The following CA8 variants were observed in gnomAD, a reference collection of about 807,000 sequenced individuals.
CA8 encodes carbonic anhydrase-related protein.
In CA8, 22 loss-of-function variants were observed where a neutral mutation model predicts 41.4. The ratio of observed to expected loss-of-function variants is 0.53; its 90% CI spans 0.38 to 0.76. CA8 has a LOEUF of 0.76. Among genes scored for constraint, CA8 ranks in the 30% least tolerant of loss-of-function variants. The pLI, the probability that CA8 is intolerant of heterozygous loss-of-function variation, is 0.00. For missense variants in CA8, 270 were observed against 352.8 expected, an observed-to-expected ratio of 0.77 and a Z score of 1.88; for synonymous variants, 121 against 130.6, an observed-to-expected ratio of 0.93 and a Z score of 0.50.
At chr8:60,271,589 G>T (rs1804076049) in intron 2 of CA8, among the ~76,000 whole-genome samples, 1 of 152,032 alleles carries the variant, frequency 6.6e-6, no homozygotes, top group African/African-American at 2.4e-5. Context: ...AATTACAAGA[G>T]ACCCAGAAAT....
intron 7 of CA8, among the ~76,000 whole-genome samples, chr8:60,219,332 A>G (rs1807152300): frequency 6.6e-6 from 1 of 151,706 alleles, no homozygotes; most frequent in African/African-American, 2.4e-5. Flanking sequence ...CTAATTTTGT[A>G]TTTTTAGTAG....
intron 3 of CA8, among the ~76,000 whole-genome samples, chr8:60,262,762 T>G (rs1476888671): frequency 6.6e-6 from 1 of 152,206 alleles, no homozygotes; most frequent in East Asian, 1.9e-4. Flanking sequence ...CCTGGAGTAT[T>G]CACAATAGAA....
rs10086449 is a variant in CA8, at chr8:60,281,284, C to A, written c.-137G>T. The A allele has an allele frequency of 3.0e-6, 2 of 665,284 alleles. No individual in the cohort carries two copies. Among genetic ancestry groups the A allele is most frequent in the Non-Finnish European group, 2.7e-6 (1 of 376,014 alleles). The allele number at this position is 665,284 out of a possible 1,614,324, so 41.2% of individuals were successfully genotyped here. A position where few individuals can be genotyped will look rare whatever the true frequency, so the allele number is the denominator to read the frequency against. ...CGGCAGTGTGAGTGCGAGAGCGCCT[C>A]CGGGTGTGAACCGCAGTGTGAGTGC... is the stretch of plus-strand genomic sequence containing the variant. On this transcript the variant is annotated 5_prime_UTR_variant, in exon 1 of 9. Coordinates refer to ENST00000317995, the MANE Select transcript of CA8 (RefSeq NM_004056.6).
intron 8 of CA8, among the ~76,000 whole-genome samples, chr8:60,201,084 G>A (rs967357740): frequency 3.3e-5 from 5 of 152,208 alleles, no homozygotes; most frequent in Middle Eastern, 3.4e-3. Context: ...TTGATAAAAC[G>A]GAAATATGGG....
intron 7 of CA8, among the ~76,000 whole-genome samples, chr8:60,217,827 T>A (rs961326739): frequency 6.6e-6 from 1 of 152,186 alleles, no homozygotes; most frequent in Non-Finnish European, 1.5e-5. Flanking sequence ...TGCTTCTACT[T>A]CTTTATTATT....
chr8:60,222,869 A>C, intron 6 of CA8, 108 bp from the exon 7 acceptor site: 1 of 733,474 alleles, frequency 1.4e-6, no homozygotes, highest in Non-Finnish European at 2.5e-6. Flanking sequence ...TGATGCTTCT[A>C]AGATGGATGT....
Position 60,209,397 on chromosome 8 carries a change from A to G in CA8, c.739-478T>C, listed in dbSNP as rs1162505376. Among the ~76,000 whole-genome samples, 4 of 152,162 alleles carry G rather than the reference A, an allele frequency of 2.6e-5. No homozygotes were observed. In the East Asian group the frequency reaches 7.7e-4, roughly 29 times the overall value. ...TACTCAGGAGGCTGAGGCAGGAGAA[A>G]TCACTTGAACCCATGAGGCGGAGGT... On this transcript the variant is annotated intron_variant, in intron 7 of 8. Transcript: ENST00000317995.
intron 7 of CA8, among the ~76,000 whole-genome samples, chr8:60,210,433 C>A (rs1056855399): frequency 2.0e-5 from 3 of 152,128 alleles, no homozygotes; most frequent in Non-Finnish European, 4.4e-5. Context: ...CTTTAGGGGG[C>A]CCACGAAAGC....
At position 60,187,123 on chromosome 8, in the gene CA8, T is replaced by A. The variant is rs1805987068; in HGVS notation, c.*2898A>T. Among the ~76,000 whole-genome samples, 7 of 152,058 alleles carry A rather than the reference T, an allele frequency of 4.6e-5. No individual in the cohort carries two copies. In the South Asian group the frequency reaches 1.4e-3, roughly 31 times the overall value. On this transcript the variant is annotated 3_prime_UTR_variant, in exon 9 of 9. Coordinates refer to ENST00000317995, the MANE Select transcript of CA8 (RefSeq NM_004056.6). ...CGATAAATTTAAGACTGAGATCATA[T>A]AAAGTATGTTTTCTGATCACAACAG...
At chr8:60,278,683 C>A (rs1031130959) in intron 2 of CA8, among the ~76,000 whole-genome samples, 11 of 152,092 alleles carry the variant, frequency 7.2e-5, no homozygotes, top group African/African-American at 2.4e-4. Flanking sequence ...CTCAGAACAG[C>A]GAAGGAGACT....
chr8:60,264,653 G>A (rs1008176665), intron 3 of CA8, among the ~76,000 whole-genome samples: 1 of 152,190 alleles, frequency 6.6e-6, no homozygotes, highest in Non-Finnish European at 1.5e-5. Context: ...CAAGGCCTTT[G>A]AGAAAGTGCT....
intron 3 of CA8, among the ~76,000 whole-genome samples, chr8:60,255,908 A>ATTT (rs35554184): frequency 2.8e-5 from 4 of 143,370 alleles, no homozygotes; most frequent in South Asian, 2.2e-4. Flanking sequence ...TACGCTATTA[A>ATTT]TTTTTTTTTT....
chr8:60,222,835 T>G, intron 6 of CA8, 74 bp from the exon 7 acceptor site: 1 of 907,212 alleles, frequency 1.1e-6, no homozygotes, highest in Non-Finnish European at 1.8e-6. Flanking sequence ...CAACAACAAT[T>G]TTCAAAATTA....
At chr8:60,214,173 TC>T (rs1222491673) in intron 7 of CA8, among the ~76,000 whole-genome samples, 22 of 152,224 alleles carry the variant, frequency 1.4e-4, no homozygotes, top group African/African-American at 5.3e-4. Flanking sequence ...AAATGTATTT[TC>T]TCACAGTTCT....
chr8:60,266,671 G>A (rs780967550), intron 2 of CA8, among the ~76,000 whole-genome samples: 5 of 152,206 alleles, frequency 3.3e-5, no homozygotes, highest in East Asian at 3.9e-4. Flanking sequence ...AGTCCCACAG[G>A]ACCATGTCTC....
intron 2 of CA8, among the ~76,000 whole-genome samples, chr8:60,273,206 A>C (rs1408031612): frequency 6.6e-6 from 1 of 152,240 alleles, no homozygotes; most frequent in Non-Finnish European, 1.5e-5. Flanking sequence ...GAAAAGAAAA[A>C]TGGCAACTGC....
rs185255093 is a variant in CA8, at chr8:60,186,390, A to C, written c.*3631T>G. Reference sequence around the variant, plus strand: ...ATATGCCCTTTAGCAACCACTGTGAAAATATACTCAAAAAAATGAAAAAAA... The same window carrying C: ...ATATGCCCTTTAGCAACCACTGTGACAATATACTCAAAAAAATGAAAAAAA... On this transcript the variant is annotated 3_prime_UTR_variant, in exon 9 of 9. Coordinates refer to ENST00000317995, the MANE Select transcript of CA8 (RefSeq NM_004056.6). Among the ~76,000 whole-genome samples, 71 of 152,030 alleles carry C rather than the reference A, an allele frequency of 4.7e-4. No homozygotes were observed. The Middle Eastern group carries it at 0.02, about 44-fold the overall frequency.
chr8:60,224,247 A>G (rs984638592), intron 6 of CA8, among the ~76,000 whole-genome samples: 10 of 152,156 alleles, frequency 6.6e-5, no homozygotes, highest in African/African-American at 2.2e-4. Flanking sequence ...ACACCCAGCC[A>G]AAGTTATTTT....
intron 8 of CA8, among the ~76,000 whole-genome samples, chr8:60,191,708 C>A (rs1163796518): frequency 1.3e-5 from 2 of 152,048 alleles, no homozygotes; most frequent in African/African-American, 4.8e-5. Context: ...AAGCATGTAT[C>A]CTAAGTTTAT....
Sources: allele counts gnomAD v4.1 joint callset (sites outside exome capture counted in the v4.1 genomes callset), GRCh38; gene constraint gnomAD v4.1.1; transcripts MANE v1.5; gene names NCBI Gene and HGNC (gene_info 2026-07-23, HGNC 2026-07-21).